The following ANKFN1 variants were observed in gnomAD, a reference collection of about 807,000 sequenced individuals.
ANKFN1 encodes the protein ankyrin repeat and fibronectin type III domain containing 1.
Under a neutral mutation model 108.7 loss-of-function variants are expected in ANKFN1, and 74 were observed. The observed-to-expected ratio is 0.68, with a 90% CI of 0.56 to 0.83. ANKFN1 has a LOEUF of 0.83. Among genes scored for constraint, ANKFN1 ranks in the 40% least tolerant of loss-of-function variants. The probability of loss-of-function intolerance (pLI) is 0.00; values close to 1 mark genes in which losing one functional copy is unlikely to be tolerated. For synonymous variants in ANKFN1, 547 were observed against 516.2 expected (o/e 1.06, Z -0.81); for missense variants, 1,505 against 1,382.3 (o/e 1.09, Z -1.41).
At chr17:56,502,558 T>C (rs867475244) in intron 20 of ANKFN1, among the ~76,000 whole-genome samples, 3 of 152,132 alleles carry the variant, frequency 2.0e-5, no homozygotes, top group Non-Finnish European at 2.9e-5. Context: ...GGGAGAAACA[T>C]TTAGTGTCCT....
At chr17:56,480,449 C>G (rs1598693892) in intron 16 of ANKFN1, among the ~76,000 whole-genome samples, 1 of 152,152 alleles carries the variant, frequency 6.6e-6, no homozygotes, top group Non-Finnish European at 1.5e-5. Flanking sequence ...GCCTACTGTT[C>G]TGAGGTATAT....
intron 3 of ANKFN1, among the ~76,000 whole-genome samples, chr17:56,265,283 C>T (rs1020164414): frequency 1.3e-5 from 2 of 152,114 alleles, no homozygotes; most frequent in Non-Finnish European, 2.9e-5. Context: ...ACTCAGGAAA[C>T]TTACCATCAT....
chr17:56,490,520 C>T (rs1490155389), intron 18 of ANKFN1, among the ~76,000 whole-genome samples: 1 of 152,120 alleles, frequency 6.6e-6, no homozygotes, highest in African/African-American at 2.4e-5. Flanking sequence ...TGAAAATATT[C>T]TCAAATCCTA....
intron 3 of ANKFN1, among the ~76,000 whole-genome samples, chr17:56,249,706 G>A (rs2043194258): frequency 1.3e-5 from 2 of 152,202 alleles, no homozygotes; most frequent in Non-Finnish European, 2.9e-5. Context: ...AGAGATCTCA[G>A]ACATGGACCC....
chr17:56,373,635 C>T (rs1169721956), intron 7 of ANKFN1, among the ~76,000 whole-genome samples: 1 of 152,212 alleles, frequency 6.6e-6, no homozygotes, highest in African/African-American at 2.4e-5. Flanking sequence ...AGACCAAAGA[C>T]AGTGATGATG....
At chr17:56,415,755 A>C (rs948696704) in intron 8 of ANKFN1, among the ~76,000 whole-genome samples, 8 of 152,222 alleles carry the variant, frequency 5.3e-5, no homozygotes, top group Non-Finnish European at 1.0e-4. Flanking sequence ...TGTATAGCCA[A>C]AGCTATCCTG....
intron 1 of ANKFN1, chr17:56,174,444 T>G (rs901617901): frequency 1.0e-6 from 1 of 980,380 alleles, no homozygotes; most frequent in Admixed American, 6.1e-5. Flanking sequence ...TTTAGTGAAT[T>G]GCTTGAGGGT....
At chr17:56,051,000 C>A (rs948582787) in intron 4 of ANKFN1, among the ~76,000 whole-genome samples, 1 of 122,734 alleles carries the variant, frequency 8.1e-6, no homozygotes, top group Non-Finnish European at 1.7e-5. Flanking sequence ...CAAGGAGGAA[C>A]TGGTACCATT....
At chr17:56,489,288 A>G (rs1041247872) in intron 18 of ANKFN1, among the ~76,000 whole-genome samples, 1 of 152,198 alleles carries the variant, frequency 6.6e-6, no homozygotes, top group African/African-American at 2.4e-5. Flanking sequence ...GTAGCCTTAT[A>G]CCATTTTATC....
In ANKFN1 at chr17:56,511,210, G is replaced by A. The variant is rs924630061; in HGVS notation, c.3382G>A (p.Val1128Met). ...CCTGCCCAGCCCCACTGGCCCCGAT[G>A]TGAGTCAGGAGGGCCCCACCGCCTC... ...ITLPSPTGPD[V>M]SQEGPTASPM... The change falls in exon 21 of 21, where the codon GTG becomes ATG. Residue 1128 changes from valine (V) to methionine (M), a missense_variant. Physicochemically the swap from Val to Met is conservative, Grantham distance 21. Transcript: ENST00000682825. 1.5e-5 allele frequency: 23 copies of A among 1,535,048 alleles called. No homozygotes were observed. Among genetic ancestry groups the A allele is most frequent in the East Asian group, 2.4e-5 (1 of 40,904 alleles).
At chr17:56,336,615 C>G (rs1022142045) in intron 4 of ANKFN1, among the ~76,000 whole-genome samples, 2 of 152,200 alleles carry the variant, frequency 1.3e-5, no homozygotes, top group Admixed American at 6.5e-5. Flanking sequence ...CTCTTTTCCT[C>G]TTTATTAGTC....
chr17:56,048,840 A>G (rs1304496707), intron 4 of ANKFN1, among the ~76,000 whole-genome samples: 1 of 152,188 alleles, frequency 6.6e-6, no homozygotes, highest in African/African-American at 2.4e-5. Context: ...CTCCCCTAAC[A>G]GAGCCAGCAT....
chr17:56,475,985 G>A (rs75968774), intron 15 of ANKFN1, among the ~76,000 whole-genome samples: 4,467 of 152,214 alleles, frequency 0.029, 190 homozygotes, highest in African/African-American at 0.1. Flanking sequence ...TTACAATCAC[G>A]GCAGAAAGTG....
At chr17:56,179,441 C>A (rs1402180435) in intron 1 of ANKFN1, among the ~76,000 whole-genome samples, 2 of 152,174 alleles carry the variant, frequency 1.3e-5, no homozygotes, top group African/African-American at 4.8e-5. Flanking sequence ...AGTACTCCTG[C>A]TCCAGACAAC....
chr17:56,225,902 G>A (rs1031367765), intron 2 of ANKFN1, among the ~76,000 whole-genome samples: 1 of 152,162 alleles, frequency 6.6e-6, no homozygotes, highest in African/African-American at 2.4e-5. Flanking sequence ...CCCAAATGAA[G>A]AGTTCTTGTC....
Position 56,316,430 on chromosome 17 carries a change from G to C in ANKFN1, c.54-9791G>C, listed in dbSNP as rs534990824. ...GCTGAGCAATTTGGCAGGAGACTGG[G>C]TCATAAGCCACCCACTCAAGTATCA... On this transcript the variant is annotated intron_variant, in intron 3 of 20. Transcript: ENST00000682825. Among the ~76,000 whole-genome samples the C allele has an allele frequency of 2.5e-4, 38 of 152,202 alleles. No homozygotes were observed. In the South Asian group the frequency reaches 4.8e-3, roughly 19 times the overall value.
intron 3 of ANKFN1, among the ~76,000 whole-genome samples, chr17:56,259,449 G>A (rs2043446380): frequency 3.9e-5 from 6 of 152,116 alleles, no homozygotes; most frequent in Admixed American, 3.3e-4. Flanking sequence ...GGGCAAAGTG[G>A]TGAAACTCCC....
intron 3 of ANKFN1, among the ~76,000 whole-genome samples, chr17:56,255,359 A>G (rs1460462574): frequency 2.0e-5 from 3 of 152,152 alleles, no homozygotes; most frequent in African/African-American, 7.2e-5. Context: ...CCCAACACCT[A>G]GGAGTAGGAT....
intron 3 of ANKFN1, among the ~76,000 whole-genome samples, chr17:56,293,250 A>G (rs1221314179): frequency 6.6e-6 from 1 of 152,204 alleles, no homozygotes; most frequent in African/African-American, 2.4e-5. Flanking sequence ...CTGAAGATCT[A>G]CTGCATGCCA....
Sources: allele counts gnomAD v4.1 joint callset (sites outside exome capture counted in the v4.1 genomes callset), GRCh38; gene constraint gnomAD v4.1.1; transcripts MANE v1.5; gene names NCBI Gene and HGNC (gene_info 2026-07-23, HGNC 2026-07-21).